SLIT2: variants seen among roughly 807,000 people sequenced by gnomAD.
SLIT2 encodes the protein slit guidance ligand 2.
SLIT2 carries 41 observed loss-of-function variants against 185.7 expected under a neutral mutation model. The ratio of observed to expected loss-of-function variants is 0.22; its 90% CI spans 0.17 to 0.29. The LOEUF (loss-of-function observed/expected upper bound fraction) is 0.29, where lower values mean the gene tolerates loss of function less well. Among genes scored for constraint, SLIT2 ranks in the 10% least tolerant of loss-of-function variants. The pLI is 1.00. For synonymous variants in SLIT2, 693 were observed against 680.2 expected (o/e 1.02, Z -0.29); for missense variants, 1,571 against 1,909.0 (o/e 0.82, Z 3.30).
At chr4:20,338,504 A>G (rs984280075) in intron 4 of SLIT2, among the ~76,000 whole-genome samples, 3 of 152,222 alleles carry the variant, frequency 2.0e-5, no homozygotes, top group African/African-American at 4.8e-5. Context: ...TGATTTACAT[A>G]TCCTACTCTG....
rs1214764273 is a variant in SLIT2 at position 20,472,534 on chromosome 4, ATATATC to A, written c.467+4723_467+4728del. On this transcript the variant is annotated intron_variant, in intron 5 of 36. Transcript: ENST00000504154. ...TAGATAGATATATATCTATATATAG[ATATATC>A]TATATCTATATATAGATATATATCT... Among the ~76,000 whole-genome samples the A allele has an allele frequency of 1.4e-3, 33 of 24,266 alleles. 8 individuals are homozygous for A. The highest frequency in any genetic ancestry group is 6.9e-3 in the East Asian group (2 of 290). 15.9% of individuals were successfully genotyped at this position (24,266 alleles called of 152,430 possible). A position where few individuals can be genotyped will look rare whatever the true frequency, so the allele number is the denominator to read the frequency against.
intron 21 of SLIT2, among the ~76,000 whole-genome samples, chr4:20,543,992 G>A (rs962155872): frequency 6.6e-6 from 1 of 152,026 alleles, no homozygotes; most frequent in Non-Finnish European, 1.5e-5. Context: ...TGTGTCCACA[G>A]GATGGGGAAC....
intron 33 of SLIT2, among the ~76,000 whole-genome samples, chr4:20,607,497 C>G (rs1191370317): frequency 3.3e-5 from 5 of 151,894 alleles, no homozygotes; most frequent in Non-Finnish European, 1.5e-5. Context: ...TTACAATTAG[C>G]AAGAGTTTAA....
chr4:20,467,925 G>A (rs1714536837), intron 5 of SLIT2, 102 bp downstream of exon 5: 1 of 594,956 alleles, frequency 1.7e-6, no homozygotes, highest in Non-Finnish European at 2.9e-6. Context: ...TGAAAACCCT[G>A]TGTATATTTA....
chr4:20,467,858 G>A (rs1195586823), intron 5 of SLIT2, 35 bp downstream of exon 5: 2 of 1,061,722 alleles, frequency 1.9e-6, no homozygotes, highest in Admixed American at 2.1e-5. Flanking sequence ...AGTGTTTTAA[G>A]TCATTATCTA....
At chr4:20,315,910 G>A (rs921162055) in intron 4 of SLIT2, among the ~76,000 whole-genome samples, 1 of 151,740 alleles carries the variant, frequency 6.6e-6, no homozygotes, top group Non-Finnish European at 1.5e-5. Context: ...TCATATTTAT[G>A]ATATTTTGAG....
Position 20,553,821 on chromosome 4 carries a change from C to T in SLIT2, c.2578C>T (p.Pro860Ser). The change falls in exon 26 of 37, where the codon CCT becomes TCT. Residue 860 changes from proline (P) to serine (S), a missense_variant. This residue lies in a region of SLIT2 where 1,202 missense variants were observed against 1,416.4 expected (regional missense o/e 0.85). Coordinates refer to ENST00000504154, the MANE Select transcript of SLIT2 (RefSeq NM_004787.4). Reference sequence around the variant, plus strand: ...TTTTTCCAGAGCAATTGGAGCCAACCCTCTTTACTGTGATTGTAACATGCA... The same window carrying T: ...TTTTTCCAGAGCAATTGGAGCCAACTCTCTTTACTGTGATTGTAACATGCA... ...ALSHLAIGAN[P>S]LYCDCNMQWL... The T allele has an allele frequency of 6.3e-7, 1 of 1,579,950 alleles. No homozygotes were observed.
chr4:20,486,812 A>G (rs1167015687), intron 7 of SLIT2, among the ~76,000 whole-genome samples: 1 of 152,078 alleles, frequency 6.6e-6, no homozygotes, highest in African/African-American at 2.4e-5. Context: ...TCTCTTGAAG[A>G]AAAAGTAATC....
At chr4:20,533,484 G>T in intron 17 of SLIT2, 88 bp from the exon 18 acceptor site, 1 of 1,010,462 alleles carries the variant, frequency 9.9e-7, no homozygotes, top group Non-Finnish European at 1.5e-6. Flanking sequence ...GGAAAACTTG[G>T]ATCATTAGAA....
At chr4:20,414,339 C>A (rs1727491420) in intron 4 of SLIT2, among the ~76,000 whole-genome samples, 1 of 152,138 alleles carries the variant, frequency 6.6e-6, no homozygotes, top group Non-Finnish European at 1.5e-5. Flanking sequence ...CTAGGTCTAA[C>A]AAGGCAACTT....
intron 3 of SLIT2, among the ~76,000 whole-genome samples, chr4:20,265,448 A>G (rs1187794057): frequency 1.3e-5 from 2 of 151,938 alleles, no homozygotes; most frequent in African/African-American, 4.8e-5. Context: ...TTTAAAGACA[A>G]TAAAAGGGAA....
At chr4:20,469,594 T>C (rs1714741527) in intron 5 of SLIT2, among the ~76,000 whole-genome samples, 1 of 152,092 alleles carries the variant, frequency 6.6e-6, no homozygotes, top group African/African-American at 2.4e-5. Flanking sequence ...TCTCAGAATT[T>C]AAAGATTTTT....
chr4:20,546,478 TG>T (rs1213060623), intron 22 of SLIT2, among the ~76,000 whole-genome samples: 1 of 152,128 alleles, frequency 6.6e-6, no homozygotes, highest in Non-Finnish European at 1.5e-5. Flanking sequence ...AGATGGTAGG[TG>T]GTAATGACTT....
intron 29 of SLIT2, 123 bp from the exon 30 acceptor site, chr4:20,589,521 T>C (rs1048131207): frequency 1.4e-6 from 1 of 731,360 alleles, no homozygotes; most frequent in Non-Finnish European, 2.4e-6. Context: ...TTGGGTTTTT[T>C]GCTTTGTTTT....
At chr4:20,266,782 T>C (rs1713076972) in intron 3 of SLIT2, among the ~76,000 whole-genome samples, 1 of 152,006 alleles carries the variant, frequency 6.6e-6, no homozygotes, top group South Asian at 2.1e-4. Context: ...GGACTCTTGC[T>C]TATCAAATGC....
chr4:20,367,328 A>G (rs1024905255), intron 4 of SLIT2, among the ~76,000 whole-genome samples: 1 of 152,158 alleles, frequency 6.6e-6, no homozygotes, highest in African/African-American at 2.4e-5. Context: ...TCTTAAGCTG[A>G]TAGAAAAACT....
chr4:20,507,816 A>T (rs528282828), intron 9 of SLIT2, among the ~76,000 whole-genome samples: 28 of 152,034 alleles, frequency 1.8e-4, no homozygotes, highest in African/African-American at 5.8e-4. Flanking sequence ...TCATAGCACT[A>T]CGTTATTGTG....
chr4:20,512,155 A>G (rs1425421795), intron 11 of SLIT2, among the ~76,000 whole-genome samples: 1 of 152,124 alleles, frequency 6.6e-6, no homozygotes, highest in Non-Finnish European at 1.5e-5. Context: ...AAACTCAGAG[A>G]AGGGTTCTTA....
chr4:20,376,716 C>CT (rs1425195293), intron 4 of SLIT2, among the ~76,000 whole-genome samples: 1 of 152,100 alleles, frequency 6.6e-6, no homozygotes, highest in Non-Finnish European at 1.5e-5. Context: ...AGTTCGTGTC[C>CT]TTTGCAGGGA....
Sources: gnomAD v4.1 joint callset for allele counts (sites outside exome capture counted in the v4.1 genomes callset) on GRCh38, gnomAD v4.1.1 for gene constraint, gnomAD v4.1.1 regional missense constraint, MANE v1.5 for transcripts, NCBI Gene and HGNC (gene_info 2026-07-23, HGNC 2026-07-21) for gene names.